The following KIF15 variants were observed in gnomAD, a reference collection of about 807,000 sequenced individuals.
KIF15 encodes the protein kinesin family member 15, also known as kinesin-like protein KIF15.
A neutral mutation model predicts 190.6 loss-of-function variants in KIF15; 140 were observed. That is an observed-to-expected ratio of 0.73 (90% CI 0.64 to 0.84). The LOEUF is 0.84. Among genes scored for constraint, KIF15 ranks in the 40% least tolerant of loss-of-function variants. The pLI, the probability that KIF15 is intolerant of heterozygous loss-of-function variation, is 0.00. For missense variants in KIF15, 1,372 were observed against 1,584.4 expected (o/e 0.87, Z 2.28); for synonymous variants, 528 against 551.3 (o/e 0.96, Z 0.59).
chr3:44,786,215 CAAACA>C (rs1349133948), intron 6 of KIF15, among the ~76,000 whole-genome samples, 175 bp from the exon 7 acceptor site: 1 of 152,024 alleles, frequency 6.6e-6, no homozygotes, highest in Non-Finnish European at 1.5e-5. Flanking sequence ...GACTCCATCT[CAAACA>C]AAACAAAAAA....
At chr3:44,805,298 C>A in intron 15 of KIF15, 130 bp downstream of exon 15, 1 of 829,118 alleles carries the variant, frequency 1.2e-6, no homozygotes, top group African/African-American at 1.7e-5. Flanking sequence ...ACTACTTTGA[C>A]ATGAAGAGAA....
At chr3:44,854,432 G>GA (rs1314394017), downstream of KIF15, among the ~76,000 whole-genome samples, 2 of 151,360 alleles carry the variant, frequency 1.3e-5, no homozygotes, top group African/African-American at 4.9e-5. Flanking sequence ...AAAACTGCAG[G>GA]AAAAAATTGT....
chr3:44,790,417 G>T (rs906576656), intron 7 of KIF15, among the ~76,000 whole-genome samples: 2 of 152,012 alleles, frequency 1.3e-5, no homozygotes, highest in African/African-American at 4.8e-5. Context: ...CAGTTGCCCC[G>T]GGTGGAAATC....
At chr3:44,821,036 C>G (rs1439525347) in intron 20 of KIF15, among the ~76,000 whole-genome samples, 2 of 148,078 alleles carry the variant, frequency 1.4e-5, no homozygotes, top group Non-Finnish European at 3.0e-5. Flanking sequence ...GGGGCTGACC[C>G]CCCCACCTCC....
intron 20 of KIF15, among the ~76,000 whole-genome samples, chr3:44,823,296 A>G (rs796838621): frequency 2.0e-5 from 3 of 152,266 alleles, no homozygotes; most frequent in East Asian, 3.9e-4. Flanking sequence ...TGTTTGCTGG[A>G]GGCTCACTCC....
chr3:44,771,861 C>A (rs1232589956), intron 1 of KIF15, among the ~76,000 whole-genome samples: 1 of 152,176 alleles, frequency 6.6e-6, no homozygotes, highest in Non-Finnish European at 1.5e-5. Flanking sequence ...AATCCTTCCA[C>A]TACTTGTTTA....
intron 31 of KIF15, 24 bp downstream of exon 31, chr3:44,848,081 G>A: frequency 7.2e-7 from 1 of 1,386,040 alleles, no homozygotes; most frequent in South Asian, 1.2e-5. Flanking sequence ...TTATGTAATA[G>A]TTTCTTCTTG....
Position 44,773,389 on chromosome 3 carries a change from C to T in KIF15, c.20-1006C>T, listed in dbSNP as rs564090457. On this transcript the variant is annotated intron_variant, in intron 1 of 34. Transcript: ENST00000326047. ...CATGTGGCGGGAAACCCTGGCCAGC[C>T]AGCCAAGTGGGGCCCTTGGGCCATG... 2.0e-5 allele frequency among the ~76,000 whole-genome samples: 3 copies of T among 152,262 alleles called. 1 individual carries two copies. The South Asian group carries it at 6.2e-4, about 32-fold the overall frequency.
chr3:44,820,423 C>G (rs1407414173), intron 20 of KIF15, among the ~76,000 whole-genome samples: 1 of 150,806 alleles, frequency 6.6e-6, no homozygotes, highest in Non-Finnish European at 1.5e-5. Context: ...GGTCACAGGA[C>G]AATAGTGGAG....
chr3:44,841,207 A>C lies in KIF15; in HGVS notation c.3554A>C (p.Glu1185Ala), dbSNP rs1458325949. 5.0e-6 allele frequency: 8 copies of C among 1,606,964 alleles called. No homozygotes were observed. Among genetic ancestry groups the C allele is most frequent in the Non-Finnish European group, 6.8e-6 (8 of 1,178,336 alleles). ...HLVTKLNEDREVKNAEILRMK... is the reference protein window; with the variant it reads ...HLVTKLNEDRAVKNAEILRMK... ...GTAACAAAGCTAAATGAAGACAGAG[A>C]AGTCAAAAATGCTGAAATCCTCAGA... Residue 1185 changes from glutamate to alanine, a missense_variant, in exon 29 of 35, where the codon GAA becomes GCA. Coordinates refer to ENST00000326047, the MANE Select transcript of KIF15 (RefSeq NM_020242.3).
chr3:44,840,334 G>T, intron 27 of KIF15, 21 bp from the exon 28 acceptor site: 2 of 1,438,490 alleles, frequency 1.4e-6, no homozygotes, highest in Non-Finnish European at 1.9e-6. Context: ...TTGTAACCTT[G>T]TATCTGTTCA....
At position 44,828,269 on chromosome 3, in the gene KIF15, G is replaced by A; in HGVS notation, c.2912G>A (p.Ser971Asn). The stretch of plus-strand genomic sequence containing the variant: ...TTGCTTGCTACTGAAAAAGTGATCA[G>A]TTCCCTGGAAAAGTCTAGAGATTCT... ...ESLLATEKVI[S>N]SLEKSRDSDK... Residue 971 changes from serine (S) to asparagine (N), a missense_variant, in exon 24 of 35, where the codon AGT becomes AAT. Transcript: ENST00000326047. 2.5e-6 allele frequency: 4 copies of A among 1,613,418 alleles called. No individual in the cohort carries two copies. Among genetic ancestry groups the A allele is most frequent in the Non-Finnish European group, 3.4e-6 (4 of 1,179,394 alleles).
intron 30 of KIF15, among the ~76,000 whole-genome samples, chr3:44,846,987 A>T (rs1698877250): frequency 8.5e-5 from 13 of 152,172 alleles, no homozygotes; most frequent in Admixed American, 8.5e-4. Flanking sequence ...TTTGCACTAC[A>T]ATAGCTAAGT....
In KIF15 at chr3:44,776,143, A is replaced by G. The variant is rs748179140; in HGVS notation, c.246+706A>G. ...TTTTTAATTTCATCCGTCTCAAATAAGGAGACTGAAACGTTCCATAAATAT... is the reference window on the plus strand; with the variant it reads ...TTTTTAATTTCATCCGTCTCAAATAGGGAGACTGAAACGTTCCATAAATAT... On this transcript the variant is annotated intron_variant, in intron 3 of 34. Transcript: ENST00000326047. 2.0e-5 allele frequency among the ~76,000 whole-genome samples: 3 copies of G among 151,950 alleles called. No individual in the cohort carries two copies. In the East Asian group the frequency reaches 5.8e-4, roughly 30 times the overall value.
At chr3:44,826,349 A>G (rs757921031) in intron 21 of KIF15, 26 bp from the exon 22 acceptor site, 3 of 1,599,092 alleles carry the variant, frequency 1.9e-6, no homozygotes, top group African/African-American at 2.7e-5. Flanking sequence ...AGTAACAGTT[A>G]CTTAAAATCT....
intron 18 of KIF15, 103 bp downstream of exon 18, chr3:44,812,392 A>G: frequency 1.3e-6 from 1 of 782,510 alleles, no homozygotes; most frequent in South Asian, 1.6e-5. Context: ...GTATGCATGA[A>G]ACATATTCAG....
In KIF15 at chr3:44,805,187, T is replaced by C; in HGVS notation, c.1829+19T>C. ...TTACTAGGTAAAGTCTAAATACACA[T>C]GCATGCACACTTATTTTCTTTCAGT... On this transcript the variant is annotated intron_variant, in intron 15 of 34. Transcript: ENST00000326047. 6.3e-7 allele frequency: 1 copy of C among 1,594,276 alleles called. No homozygotes were observed. Among genetic ancestry groups the C allele is most frequent in the Non-Finnish European group, 8.5e-7 (1 of 1,170,994 alleles).
intron 7 of KIF15, among the ~76,000 whole-genome samples, chr3:44,787,058 A>G (rs1242435363): frequency 6.6e-6 from 1 of 152,176 alleles, no homozygotes; most frequent in Non-Finnish European, 1.5e-5. Context: ...AAAGTTTTTT[A>G]TTATGAAGCA....
chr3:44,768,917 C>T (rs538978340), intron 1 of KIF15, among the ~76,000 whole-genome samples: 5 of 152,216 alleles, frequency 3.3e-5, no homozygotes, highest in African/African-American at 1.2e-4. Context: ...GGGGTAAGGA[C>T]AGAAGTCATG....
Sources: gnomAD v4.1 joint callset for allele counts (sites outside exome capture counted in the v4.1 genomes callset) on GRCh38, gnomAD v4.1.1 for gene constraint, MANE v1.5 for transcripts, NCBI Gene and HGNC (gene_info 2026-07-23, HGNC 2026-07-21) for gene names.